The following NSL1 variants were observed in gnomAD, a reference collection of about 807,000 sequenced individuals.
NSL1 encodes the protein kinetochore-associated protein NSL1 homolog.
In NSL1, 11 loss-of-function variants were observed where a neutral mutation model predicts 25.4. That is an observed-to-expected ratio of 0.43 (90% confidence interval 0.27 to 0.72). The LOEUF is 0.72. Ranked by LOEUF, NSL1 falls within the 30% of genes least tolerant of loss-of-function variation. The pLI, the probability that NSL1 is intolerant of heterozygous loss-of-function variation, is 0.19. For synonymous variants in NSL1, 118 were observed against 120.6 expected (o/e 0.98, Z 0.14); for missense variants, 330 against 342.7 (o/e 0.96, Z 0.29).
chr1:212,729,849 T>C lies in NSL1; in HGVS notation c.*8559A>G. 1.0e-6 allele frequency: 1 copy of C among 985,222 alleles called. No individual in the cohort carries two copies. Among genetic ancestry groups the C allele is most frequent in the Non-Finnish European group, 1.2e-6 (1 of 829,888 alleles). The allele number at this position is 985,222 out of a possible 1,614,324, so 61.0% of individuals were successfully genotyped here. ...TGGTGCTGCAAAGGGCAGTGATGTGTGGACGAAGGGGTTGCTGGGGTGACC... is the reference window on the plus strand; with the variant it reads ...TGGTGCTGCAAAGGGCAGTGATGTGCGGACGAAGGGGTTGCTGGGGTGACC... On this transcript the variant is annotated 3_prime_UTR_variant, in exon 6 of 6. Transcript: ENST00000366977.
chr1:212,776,952 C>T (rs1192686276), intron 4 of NSL1, among the ~76,000 whole-genome samples: 1 of 150,014 alleles, frequency 6.7e-6, no homozygotes, highest in Non-Finnish European at 1.5e-5. Context: ...GGGAACCTCA[C>T]AAAAACAGGA....
intron 4 of NSL1, among the ~76,000 whole-genome samples, chr1:212,753,630 A>G (rs1478812208): frequency 6.6e-6 from 1 of 152,222 alleles, no homozygotes; most frequent in Admixed American, 6.5e-5. Flanking sequence ...CAGTTCTGTC[A>G]TACTGTAGCC....
intron 4 of NSL1, among the ~76,000 whole-genome samples, chr1:212,776,534 G>T (rs111822863): frequency 0.02 from 3,033 of 151,728 alleles, 117 homozygotes; most frequent in African/African-American, 0.07. Flanking sequence ...CAGCCTGGGT[G>T]ACAGAGCGAG....
intron 4 of NSL1, among the ~76,000 whole-genome samples, chr1:212,745,174 A>G (rs374002973): frequency 1.4e-4 from 4 of 28,732 alleles, no homozygotes; most frequent in African/African-American, 3.8e-4. Flanking sequence ...ATATATATAT[A>G]TATATATATA....
In NSL1 at chr1:212,737,089, G is replaced by A. The variant is rs1658259709; in HGVS notation, c.*1319C>T. Reference sequence around the variant, plus strand: ...AGTCTAGTATGTTCAGAAACGCAGGGTGCTGACCCACCATCCAACTGAAGC... The same window carrying A: ...AGTCTAGTATGTTCAGAAACGCAGGATGCTGACCCACCATCCAACTGAAGC... On this transcript the variant is annotated 3_prime_UTR_variant, in exon 6 of 6. Coordinates refer to ENST00000366977, the MANE Select transcript of NSL1 (RefSeq NM_015471.4). 7 of 985,280 alleles carry A rather than the reference G, an allele frequency of 7.1e-6. No individual in the cohort carries two copies. Among genetic ancestry groups the A allele is most frequent in the Non-Finnish European group, 7.2e-6 (6 of 829,932 alleles). The allele number at this position is 985,280 out of a possible 1,614,324, so 61.0% of individuals were successfully genotyped here.
intron 4 of NSL1, among the ~76,000 whole-genome samples, chr1:212,754,383 G>A (rs543230204): frequency 1.3e-5 from 2 of 152,254 alleles, no homozygotes; most frequent in East Asian, 3.9e-4. Context: ...AAAGGTGTTC[G>A]AAGTGCTCCA....
intron 4 of NSL1, among the ~76,000 whole-genome samples, chr1:212,747,986 G>A (rs982381555): frequency 6.6e-6 from 1 of 152,086 alleles, no homozygotes; most frequent in Non-Finnish European, 1.5e-5. Flanking sequence ...GGCTGGTCTC[G>A]AACTCCCAAC....
chr1:212,791,141 C>T (rs1477523576), intron 1 of NSL1, among the ~76,000 whole-genome samples: 2 of 151,890 alleles, frequency 1.3e-5, no homozygotes, highest in African/African-American at 2.4e-5. Context: ...ATGCAGCACA[C>T]CAGATTTGAA....
At chr1:212,751,681 A>C (rs1351283877) in intron 4 of NSL1, among the ~76,000 whole-genome samples, 2 of 149,980 alleles carry the variant, frequency 1.3e-5, no homozygotes, top group Non-Finnish European at 3.0e-5. Flanking sequence ...TTACATTTAA[A>C]ACTAAGTAGC....
At chr1:212,778,464 T>A (rs993612911) in intron 4 of NSL1, among the ~76,000 whole-genome samples, 5 of 152,222 alleles carry the variant, frequency 3.3e-5, no homozygotes, top group African/African-American at 1.2e-4. Flanking sequence ...AGCTGGACTG[T>A]ACTGCTGCCA....
At chr1:212,770,949 A>C (rs920084560) in intron 4 of NSL1, among the ~76,000 whole-genome samples, 1 of 152,266 alleles carries the variant, frequency 6.6e-6, no homozygotes, top group Non-Finnish European at 1.5e-5. Context: ...TGAAGCACAA[A>C]TATCATACTA....
chr1:212,789,690 C>T (rs1276592125), intron 1 of NSL1, among the ~76,000 whole-genome samples: 1 of 152,148 alleles, frequency 6.6e-6, no homozygotes, highest in African/African-American at 2.4e-5. Context: ...TAAAATAAAA[C>T]ACAAGTGAAT....
intron 4 of NSL1, among the ~76,000 whole-genome samples, chr1:212,754,086 G>T (rs896981827): frequency 6.6e-6 from 1 of 152,166 alleles, no homozygotes; most frequent in African/African-American, 2.4e-5. Flanking sequence ...AATGCTAAAA[G>T]TCTAGAGTTT....
Position 212,733,433 on chromosome 1 carries a change from C to CAAAAAAAAAAAAAAAA in NSL1, c.*4959_*4974dup, listed in dbSNP as rs140675222. On this transcript the variant is annotated 3_prime_UTR_variant, in exon 6 of 6. Transcript: ENST00000366977. ...GGCAACACAGCAAGACCTTGTTTCA[C>CAAAAAAAAAAAAAAAA]AAAAAAAAAAAAAAAAAAATCCCAT... is the stretch of plus-strand genomic sequence containing the variant. Among the ~76,000 whole-genome samples the CAAAAAAAAAAAAAAAA allele has an allele frequency of 2.9e-5, 4 of 135,900 alleles. No homozygotes were observed. Among genetic ancestry groups the CAAAAAAAAAAAAAAAA allele is most frequent in the African/African-American group, 1.1e-4 (4 of 37,216 alleles). The allele number at this position is 135,900 out of a possible 152,430, so 89.2% of individuals were successfully genotyped here. A position where few individuals can be genotyped will look rare whatever the true frequency, so the allele number is the denominator to read the frequency against.
intron 4 of NSL1, among the ~76,000 whole-genome samples, chr1:212,779,919 G>A (rs1423408571): frequency 6.6e-6 from 1 of 151,236 alleles, no homozygotes; most frequent in Non-Finnish European, 1.5e-5. Context: ...ACCCAGTCCG[G>A]GAGGTGAGGG....
At chr1:212,769,879 T>C (rs1483400213) in intron 4 of NSL1, among the ~76,000 whole-genome samples, 1 of 152,098 alleles carries the variant, frequency 6.6e-6, no homozygotes, top group Non-Finnish European at 1.5e-5. Context: ...TGTAAATAGA[T>C]TATCCACTTA....
rs1423044596 is a variant in NSL1, at chr1:212,730,307, T to C, written c.*8101A>G. The C allele has an allele frequency of 1.0e-6, 1 of 973,326 alleles. No individual in the cohort carries two copies. 60.3% of individuals were successfully genotyped at this position (973,326 alleles called of 1,614,324 possible). On this transcript the variant is annotated 3_prime_UTR_variant, in exon 6 of 6. Coordinates refer to ENST00000366977, the MANE Select transcript of NSL1 (RefSeq NM_015471.4). ...CAGGTATTTATGGACTGGTGAAGAG[T>C]TGTGTGGAGGGTGGCATTCCCATCA...
chr1:212,761,380 T>C (rs1381752484), intron 4 of NSL1, among the ~76,000 whole-genome samples: 1 of 152,052 alleles, frequency 6.6e-6, no homozygotes, highest in Non-Finnish European at 1.5e-5. Context: ...CGAAACCTCC[T>C]CTCCACAAAA....
chr1:212,782,884 A>G lies in NSL1; in HGVS notation c.445-458T>C, dbSNP rs1017248522. On this transcript the variant is annotated intron_variant, in intron 3 of 5. Transcript: ENST00000366977. ...GCCTATATATCCTGCGACACACTGA[A>G]ATTATAGTAGCAGAATTACTGGCAC... is the stretch of plus-strand genomic sequence containing the variant. Among the ~76,000 whole-genome samples, 65 of 152,186 alleles carry G rather than the reference A, an allele frequency of 4.3e-4. 1 individual carries two copies. The highest frequency in any genetic ancestry group is 3.3e-4 in the Admixed American group (5 of 15,276).
Sources: allele counts gnomAD v4.1 joint callset (sites outside exome capture counted in the v4.1 genomes callset), GRCh38; gene constraint gnomAD v4.1.1; transcripts MANE v1.5; gene names NCBI Gene and HGNC (gene_info 2026-07-23, HGNC 2026-07-21).